The following SLC9B2 variants were observed in gnomAD, a reference collection of about 807,000 sequenced individuals.
The protein encoded by SLC9B2 is sodium/hydrogen exchanger 9B2.
A neutral mutation model predicts 52.2 loss-of-function variants in SLC9B2; 39 were observed. The ratio of observed to expected loss-of-function variants is 0.75; its 90% CI spans 0.58 to 0.98. The LOEUF (loss-of-function observed/expected upper bound fraction) is 0.98. Ranked by LOEUF, SLC9B2 falls within the 50% of genes least tolerant of loss-of-function variation. The probability of loss-of-function intolerance (pLI) is 0.00; values close to 1 mark genes in which losing one functional copy is unlikely to be tolerated. For synonymous variants in SLC9B2, 214 were observed against 227.0 expected (o/e 0.94, Z 0.51); for missense variants, 626 against 637.5 (o/e 0.98, Z 0.19).
intron 10 of SLC9B2, 59 bp downstream of exon 10, chr4:103,031,641 G>T: frequency 2.4e-6 from 3 of 1,249,804 alleles, no homozygotes; most frequent in South Asian, 1.2e-5. Flanking sequence ...AGACTTTATT[G>T]GTGAGTAGGC....
rs555112703 is a variant in SLC9B2 at position 103,023,127 on chromosome 4, G to A, written c.*3243C>T. Reference sequence around the variant, plus strand: ...GACTAAGTGGACTAAGATCCGAACTGTCGTGTGGCAAGTAGTTTTCTGATA... The same window carrying A: ...GACTAAGTGGACTAAGATCCGAACTATCGTGTGGCAAGTAGTTTTCTGATA... On this transcript the variant is annotated 3_prime_UTR_variant, in exon 12 of 12. Coordinates refer to ENST00000394785, the MANE Select transcript of SLC9B2 (RefSeq NM_178833.7). Among the ~76,000 whole-genome samples the A allele has an allele frequency of 6.6e-6, 1 of 152,298 alleles. No homozygotes were observed. The highest frequency in any genetic ancestry group is 2.1e-4 in the South Asian group (1 of 4,830).
intron 9 of SLC9B2, chr4:103,042,245 ATTTAAG>A (rs1743707466): frequency 6.6e-6 from 1 of 152,100 alleles, no homozygotes; most frequent in Non-Finnish European, 1.5e-5. Flanking sequence ...TATTTTAATT[ATTTAAG>A]TTTAATTATT....
rs936708798 is a variant in SLC9B2 at position 103,076,505 on chromosome 4, G to A, written c.-364C>T. The A allele has an allele frequency of 6.6e-6, 1 of 152,208 alleles. No individual in the cohort carries two copies. Among genetic ancestry groups the A allele is most frequent in the Non-Finnish European group, 1.5e-5 (1 of 68,032 alleles). The allele number at this position is 152,208 out of a possible 1,614,324, so 9.4% of individuals were successfully genotyped here. ...CGGCAGCCCCGTGTGCCCTCCGCCGGGTTTCAGGTCCGGCGGCGCGGGTGC... is the reference window on the plus strand; with the variant it reads ...CGGCAGCCCCGTGTGCCCTCCGCCGAGTTTCAGGTCCGGCGGCGCGGGTGC... On this transcript the variant is annotated 5_prime_UTR_variant, in exon 1 of 12. Transcript: ENST00000394785.
chr4:103,056,491 G>A (rs558271237), intron 4 of SLC9B2, among the ~76,000 whole-genome samples: 2 of 152,144 alleles, frequency 1.3e-5, no homozygotes, highest in African/African-American at 2.4e-5. Context: ...CAGGTGATCC[G>A]CCTGCCTTGG....
chr4:103,053,727 C>T (rs868418884), intron 4 of SLC9B2, among the ~76,000 whole-genome samples: 13 of 151,084 alleles, frequency 8.6e-5, no homozygotes, highest in South Asian at 6.3e-4. Flanking sequence ...TTTTTGAGAC[C>T]GAGTCTCGCT....
chr4:103,027,579 G>T (rs1295688750), intron 11 of SLC9B2, among the ~76,000 whole-genome samples: 1 of 152,050 alleles, frequency 6.6e-6, no homozygotes, highest in Admixed American at 6.6e-5. Flanking sequence ...TAATTAATCT[G>T]GTTATCCCTT....
At chr4:103,040,564 G>A (rs778571386) in intron 9 of SLC9B2, among the ~76,000 whole-genome samples, 3 of 152,130 alleles carry the variant, frequency 2.0e-5, no homozygotes, top group Non-Finnish European at 4.4e-5. Flanking sequence ...ATAAGCCCAG[G>A]GTAATCAAGA....
At chr4:103,067,318 AG>A in intron 2 of SLC9B2, 142 bp downstream of exon 2, 1 of 652,444 alleles carries the variant, frequency 1.5e-6, no homozygotes, top group South Asian at 1.9e-5. Flanking sequence ...TTCTAGTTAC[AG>A]GTAGGGTCAG....
intron 4 of SLC9B2, among the ~76,000 whole-genome samples, chr4:103,057,465 G>A (rs1419201689): frequency 6.6e-6 from 1 of 151,612 alleles, no homozygotes; most frequent in Non-Finnish European, 1.5e-5. Flanking sequence ...CACCATGCCC[G>A]GCTAATTTTT....
intron 4 of SLC9B2, among the ~76,000 whole-genome samples, chr4:103,054,757 T>C (rs1239214724): frequency 6.6e-6 from 1 of 152,158 alleles, no homozygotes; most frequent in Non-Finnish European, 1.5e-5. Flanking sequence ...GGAGAGGATG[T>C]GGAGAAATAG....
At chr4:103,073,731 T>C (rs192209503) in intron 1 of SLC9B2, among the ~76,000 whole-genome samples, 2 of 152,332 alleles carry the variant, frequency 1.3e-5, no homozygotes, top group Admixed American at 1.3e-4. Flanking sequence ...CAATACTTGC[T>C]TTCATCCTTT....
At chr4:103,044,773 A>C (rs1743960890) in intron 8 of SLC9B2, 117 bp downstream of exon 8, 2 of 836,772 alleles carry the variant, frequency 2.4e-6, no homozygotes, top group Non-Finnish European at 3.9e-6. Context: ...AGCAATTTTA[A>C]AATGAGGAAC....
chr4:103,056,404 CG>C (rs1745141126), intron 4 of SLC9B2, among the ~76,000 whole-genome samples: 1 of 152,072 alleles, frequency 6.6e-6, no homozygotes, highest in Admixed American at 6.5e-5. Context: ...CCCGCCACCA[CG>C]CCCAGCTAAT....
chr4:103,028,102 T>C lies in SLC9B2; in HGVS notation c.1392+645A>G, dbSNP rs56737966. On this transcript the variant is annotated intron_variant, in intron 11 of 11. Coordinates refer to ENST00000394785, the MANE Select transcript of SLC9B2 (RefSeq NM_178833.7). ...AATCATAGATATTCTAACAAATGCA[T>C]GGTCAACAAATTCAAGCACCTATCT... Among the ~76,000 whole-genome samples, 24 of 152,308 alleles carry C rather than the reference T, an allele frequency of 1.6e-4. No homozygotes were observed. The East Asian group carries it at 2.5e-3, about 16-fold the overall frequency.
Position 103,031,764 on chromosome 4 carries a change from C to T in SLC9B2, c.1191G>A (p.Gln397=). ...CTCCAATTAGTCCAAAAAGAAGGGG[C>T]TGAAAAATGTCCCAGGCAACTGCAA... The part of the protein sequence containing the change: ...KIIAVAWDIF[Q]PLLFGLIGAE... The change falls in exon 10 of 12, where the codon CAG becomes CAA. Residue 397 remains glutamine (Q), a synonymous_variant. Transcript: ENST00000394785. The T allele has an allele frequency of 6.2e-7, 1 of 1,612,742 alleles. No homozygotes were observed. The highest frequency in any genetic ancestry group is 1.1e-5 in the South Asian group (1 of 91,022).
rs937920508 is a variant in SLC9B2 at position 103,025,060 on chromosome 4, G to A, written c.*1310C>T. ...TCTGGCCCCGAAAATCTGATGTTCC[G>A]TTCCTCCTAGGAGTGTGAATGCTTA... On this transcript the variant is annotated 3_prime_UTR_variant, in exon 12 of 12. Transcript: ENST00000394785. 2.0e-5 allele frequency among the ~76,000 whole-genome samples: 3 copies of A among 152,162 alleles called. No homozygotes were observed. Among genetic ancestry groups the A allele is most frequent in the South Asian group, 2.1e-4 (1 of 4,832 alleles).
chr4:103,045,739 A>G (rs1457637870), intron 7 of SLC9B2, among the ~76,000 whole-genome samples: 1 of 152,098 alleles, frequency 6.6e-6, no homozygotes, highest in East Asian at 1.9e-4. Context: ...TTCTAATGCA[A>G]ACTCTGTTGC....
At position 103,043,742 on chromosome 4, in the gene SLC9B2, G is replaced by C. The variant is rs566875042; in HGVS notation, c.997-297C>G. On this transcript the variant is annotated intron_variant, in intron 8 of 11. Transcript: ENST00000394785. ...AAAAAGTACATGAGCTTTGGAGCTGGACAGACCAAGGTTAAATTTATAGTT... is the reference window on the plus strand; with the variant it reads ...AAAAAGTACATGAGCTTTGGAGCTGCACAGACCAAGGTTAAATTTATAGTT... 2.0e-5 allele frequency among the ~76,000 whole-genome samples: 3 copies of C among 152,258 alleles called. No homozygotes were observed. The South Asian group carries it at 6.2e-4, about 32-fold the overall frequency.
chr4:103,047,863 A>G (rs1744311663), intron 6 of SLC9B2, among the ~76,000 whole-genome samples: 1 of 152,198 alleles, frequency 6.6e-6, no homozygotes, highest in Admixed American at 6.5e-5. Context: ...TAAAACTTCT[A>G]CAGAACACTG....
Sources: allele counts gnomAD v4.1 joint callset (sites outside exome capture counted in the v4.1 genomes callset), GRCh38; gene constraint gnomAD v4.1.1; transcripts MANE v1.5; gene names NCBI Gene and HGNC (gene_info 2026-07-23, HGNC 2026-07-21).